Variants in NBAS observed in about 807,000 individuals in gnomAD.
NBAS encodes the protein NAG/BC035112 fusion.
Under a neutral mutation model 302.5 loss-of-function variants are expected in NBAS, and 219 were observed. The observed-to-expected ratio is 0.72, with a 90% confidence interval of 0.65 to 0.81. The LOEUF (loss-of-function observed/expected upper bound fraction) is 0.81, where lower values mean the gene tolerates loss of function less well. Ranked by LOEUF, NBAS falls within the 30% of genes least tolerant of loss-of-function variation. NBAS has a pLI of 0.00. For synonymous variants in NBAS, 1,118 were observed against 1,021.6 expected (o/e 1.09, Z -1.80); for missense variants, 2,932 against 2,841.6 (o/e 1.03, Z -0.72).
In NBAS at chr2:15,475,839, C is replaced by T. The variant is rs1680168298; in HGVS notation, c.1189G>A (p.Ala397Thr). ...CGAGCTAAAGTCACTGCACTGTCTG[C>T]CCACCAATTGACATCTATCAGTGGG... ...FYPLIDVNWW[A>T]DSAVTLARCS... is the part of the protein sequence containing the mutation. Residue 397 changes from alanine (A) to threonine (T), a missense_variant, in exon 14 of 52, where the codon GCA becomes ACA. Coordinates refer to ENST00000281513, the MANE Select transcript of NBAS (RefSeq NM_015909.4). 4 of 1,613,904 alleles carry T rather than the reference C, an allele frequency of 2.5e-6. 1 individual carries two copies. In the Middle Eastern group the frequency reaches 5.0e-4, roughly 200 times the overall value.
chr2:15,302,737 T>C (rs989879041), intron 40 of NBAS, among the ~76,000 whole-genome samples: 101 of 152,292 alleles, frequency 6.6e-4, no homozygotes, highest in African/African-American at 2.4e-3. Flanking sequence ...GTGAGGGTGT[T>C]GCCAAAGAAG....
At chr2:15,106,451 G>GTCTCTC in the NBAS span, among the ~76,000 whole-genome samples, 27,511 of 147,758 alleles carry the variant, frequency 0.19, 3,038 homozygotes, top group African/African-American at 0.3. Context: ...CTCTGTCTCT[G>GTCTCTC]TCTCTCTCTC....
chr2:14,881,585 AGCAGAACATTTAAAAAC>A, the NBAS span, among the ~76,000 whole-genome samples: 1 of 152,338 alleles, frequency 6.6e-6, no homozygotes, highest in African/African-American at 2.4e-5. Context: ...AACCATCTAA[AGCAGAACATTTAAAAAC>A]TCAGAGAATA....
intron 42 of NBAS, among the ~76,000 whole-genome samples, chr2:15,278,400 C>T (rs976612399): frequency 6.6e-6 from 1 of 152,154 alleles, no homozygotes; most frequent in Admixed American, 6.5e-5. Context: ...TGCTGAATAT[C>T]CTTCTATTCT....
chr2:15,179,152 C>T (rs769752318), intron 50 of NBAS, 36 bp from the exon 51 acceptor site: 31 of 1,613,224 alleles, frequency 1.9e-5, no homozygotes, highest in Middle Eastern at 1.7e-4. Context: ...GAGAACTCCA[C>T]GACGTACTTC....
chr2:14,935,801 T>C, the NBAS span, among the ~76,000 whole-genome samples: 2 of 152,176 alleles, frequency 1.3e-5, no homozygotes, highest in Admixed American at 6.5e-5. Context: ...CACTGACGTG[T>C]CCTAGCATAA....
At chr2:15,431,128 T>C (rs1677744651) in intron 21 of NBAS, among the ~76,000 whole-genome samples, 1 of 152,144 alleles carries the variant, frequency 6.6e-6, no homozygotes. Context: ...ATTTGAGCCT[T>C]CTCAAGATTT....
chr2:15,351,673 T>C (rs754660023), intron 35 of NBAS, among the ~76,000 whole-genome samples: 8 of 151,760 alleles, frequency 5.3e-5, no homozygotes, highest in Non-Finnish European at 8.8e-5. Context: ...TGAGACTCCA[T>C]AGAAAAAAAA....
chr2:14,964,352 A>G, the NBAS span, among the ~76,000 whole-genome samples: 4 of 152,230 alleles, frequency 2.6e-5, no homozygotes, highest in Non-Finnish European at 5.9e-5. Context: ...ATTGAAAACT[A>G]TAATGTCTGA....
chr2:15,366,303 A>G (rs894321955), intron 32 of NBAS, among the ~76,000 whole-genome samples: 2 of 152,190 alleles, frequency 1.3e-5, no homozygotes, highest in South Asian at 2.1e-4. Flanking sequence ...TCGTTTAAGT[A>G]ATAGATAGTT....
At chr2:14,987,356 T>C in the NBAS span, among the ~76,000 whole-genome samples, 2 of 152,068 alleles carry the variant, frequency 1.3e-5, no homozygotes, top group Admixed American at 6.6e-5. Context: ...GATTTCCTTC[T>C]TTTTTATTAA....
intron 51 of NBAS, among the ~76,000 whole-genome samples, chr2:15,172,178 A>C (rs1664328537): frequency 6.6e-6 from 1 of 152,250 alleles, no homozygotes. Context: ...ATATTTTGAT[A>C]GGAAAAAATC....
the NBAS span, among the ~76,000 whole-genome samples, chr2:14,928,681 T>C: frequency 1.3e-5 from 2 of 151,954 alleles, no homozygotes; most frequent in Non-Finnish European, 2.9e-5. Flanking sequence ...TTTAAGACCA[T>C]GTATTTCACT....
chr2:14,981,412 G>A, the NBAS span, among the ~76,000 whole-genome samples: 1 of 152,150 alleles, frequency 6.6e-6, no homozygotes, highest in African/African-American at 2.4e-5. Flanking sequence ...ATTTTTTGAG[G>A]TACAATGATG....
chr2:15,406,844 T>A (rs1676439891), intron 25 of NBAS, among the ~76,000 whole-genome samples: 1 of 152,158 alleles, frequency 6.6e-6, no homozygotes, highest in South Asian at 2.1e-4. Flanking sequence ...GAAATACCAT[T>A]TCTCACCTAT....
Position 15,444,349 on chromosome 2 carries a change from G to A in NBAS, c.2340-16555C>T, listed in dbSNP as rs1016835902. On this transcript the variant is annotated intron_variant, in intron 21 of 51. Transcript: ENST00000281513. ...GAACACAGCCCTCAGAAATAACGTC[G>A]CATATCTACAACTATCTGATCTTTG... Among the ~76,000 whole-genome samples, 13 of 152,168 alleles carry A rather than the reference G, an allele frequency of 8.5e-5. No homozygotes were observed. In the South Asian group the frequency reaches 1.0e-3, roughly 12 times the overall value.
At chr2:15,421,723 C>T (rs1677223387) in intron 23 of NBAS, among the ~76,000 whole-genome samples, 1 of 151,976 alleles carries the variant, frequency 6.6e-6, no homozygotes, top group Non-Finnish European at 1.5e-5. Context: ...TTATAATTAT[C>T]CCTTATTACT....
chr2:14,923,518 T>G, the NBAS span, among the ~76,000 whole-genome samples: 1 of 152,152 alleles, frequency 6.6e-6, no homozygotes, highest in Non-Finnish European at 1.5e-5. Context: ...AGTCCCATGG[T>G]GAACCAGACA....
intron 32 of NBAS, among the ~76,000 whole-genome samples, chr2:15,362,633 A>G (rs1673991758): frequency 6.6e-6 from 1 of 152,222 alleles, no homozygotes; most frequent in Non-Finnish European, 1.5e-5. Context: ...ATGTTTCTCT[A>G]TAATAAATGC....
Sources: allele counts gnomAD v4.1 joint callset (sites outside exome capture counted in the v4.1 genomes callset), GRCh38; gene constraint gnomAD v4.1.1; transcripts MANE v1.5; gene names NCBI Gene and HGNC (gene_info 2026-07-23, HGNC 2026-07-21).